Variants in FBN3 observed in about 807,000 individuals in gnomAD.
The protein encoded by FBN3 is fibrillin 3.
FBN3 carries 234 observed loss-of-function variants against 330.1 expected under a neutral mutation model. That is an observed-to-expected ratio of 0.71 (90% confidence interval 0.64 to 0.79). The LOEUF is 0.79. FBN3 is among the 30% of genes least tolerant of loss of function. The pLI, the probability that FBN3 is intolerant of heterozygous loss-of-function variation, is 0.00. For synonymous variants in FBN3, 1,458 were observed against 1,517.3 expected, an observed-to-expected ratio of 0.96 and a Z score of 0.91; for missense variants, 3,606 against 3,886.9, an observed-to-expected ratio of 0.93 and a Z score of 1.92.
rs771258011 is a variant in FBN3 at position 8,131,657 on chromosome 19, A to G, written c.1887T>C (p.Cys629=). The change falls in exon 15 of 64, where the codon TGT becomes TGC. Residue 629 remains cysteine (C), a synonymous_variant. Coordinates refer to ENST00000600128, the MANE Select transcript of FBN3 (RefSeq NM_032447.5). The surrounding 1 kb of genome is among the most constrained non-coding windows in gnomAD (Gnocchi z 4.5). The part of the protein sequence containing the change: ...TCYGAIEKGS[C]ARPFPGTVTK... ...TGACAGTGCCAGGGAAGGGGCGGGC[A>G]CAGGAGCCCTTCTCGATGGCCCCAT... 1 of 1,614,226 alleles carries G rather than the reference A, an allele frequency of 6.2e-7. No individual in the cohort carries two copies. Among genetic ancestry groups the G allele is most frequent in the South Asian group, 1.1e-5 (1 of 91,080 alleles).
rs776026303 is a variant in FBN3, at chr19:8,072,269, C to T, written c.7938-71G>A. ...TGGGACCTCCCCAGCCACGCCGCTCCACCCCATACTCCGTTCTGAGTCATG... is the reference window on the plus strand; with the variant it reads ...TGGGACCTCCCCAGCCACGCCGCTCTACCCCATACTCCGTTCTGAGTCATG... On this transcript the variant is annotated intron_variant, in intron 62 of 63. Coordinates refer to ENST00000600128, the MANE Select transcript of FBN3 (RefSeq NM_032447.5). The T allele has an allele frequency of 1.5e-5, 22 of 1,427,142 alleles. 1 individual carries two copies. Among genetic ancestry groups the T allele is most frequent in the African/African-American group, 2.9e-5 (2 of 69,608 alleles). The allele number at this position is 1,427,142 out of a possible 1,614,324, so 88.4% of individuals were successfully genotyped here.
chr19:8,143,872 C>T (rs1047213122), intron 6 of FBN3, among the ~76,000 whole-genome samples: 1 of 149,982 alleles, frequency 6.7e-6, no homozygotes, highest in African/African-American at 2.5e-5. Flanking sequence ...GGCTGGAATG[C>T]AGTGGCACCA....
intron 27 of FBN3, 42 bp from the exon 28 acceptor site, chr19:8,117,333 G>T: frequency 6.5e-7 from 1 of 1,548,430 alleles, no homozygotes; most frequent in South Asian, 1.2e-5. Context: ...CTGGGGGGAG[G>T]GGTCCAGGAT....
intron 22 of FBN3, among the ~76,000 whole-genome samples, chr19:8,125,655 G>A (rs1240726466): frequency 1.3e-5 from 2 of 152,086 alleles, no homozygotes; most frequent in African/African-American, 2.4e-5. Context: ...GCTGGGCGTG[G>A]TGGTATGTGC....
At chr19:8,072,303 G>GACATAGGGTTGCCTGTTGAGTTTTGTT in intron 62 of FBN3, 105 bp from the exon 63 acceptor site, 1 of 1,225,080 alleles carries the variant, frequency 8.2e-7, no homozygotes, top group Non-Finnish European at 1.1e-6. Flanking sequence ...TGCTGCAAAT[G>GACATAGGGTTGCCTGTTGAGTTTTGTT]CCCACGCACA....
Position 8,099,522 on chromosome 19 carries a change from C to T in FBN3, c.5161+1379G>A, listed in dbSNP as rs772429260. 7.9e-5 allele frequency among the ~76,000 whole-genome samples: 12 copies of T among 151,502 alleles called. No homozygotes were observed. In the East Asian group the frequency reaches 1.4e-3, roughly 17 times the overall value. The stretch of plus-strand genomic sequence containing the variant: ...GTCTCGATCTCCTGACCTCGTGATC[C>T]GCCTGCCTCGGCCTCCCAAAGTGCT... On this transcript the variant is annotated intron_variant, in intron 41 of 63. Transcript: ENST00000600128.
chr19:8,097,076 C>A, intron 42 of FBN3, 70 bp from the exon 43 acceptor site: 2 of 1,572,466 alleles, frequency 1.3e-6, no homozygotes, highest in Non-Finnish European at 8.7e-7. Flanking sequence ...ACGTGAAACC[C>A]AGTCCACTGC....
chr19:8,088,168 A>G lies in FBN3; in HGVS notation c.6388T>C (p.Cys2130Arg), dbSNP rs1377169626. ...TGINCVDTDE[C>R]SVGHPCGQGT... ...TGCCCACAGGGGTGGCCGACAGAGCACTCGTCTGTGTCTGGGTGGGAGTAA... is the reference window on the plus strand; with the variant it reads ...TGCCCACAGGGGTGGCCGACAGAGCGCTCGTCTGTGTCTGGGTGGGAGTAA... The change falls in exon 52 of 64, where the codon TGC (cysteine) becomes CGC (arginine). Residue 2130 changes from cysteine to arginine, a missense_variant. Physicochemically the swap from Cys to Arg is radical, Grantham distance 180. Coordinates refer to ENST00000600128, the MANE Select transcript of FBN3 (RefSeq NM_032447.5). 6.3e-7 allele frequency: 1 copy of G among 1,598,604 alleles called. No homozygotes were observed. The highest frequency in any genetic ancestry group is 8.5e-7 in the Non-Finnish European group (1 of 1,170,654).
At chr19:8,134,135 G>A (rs1450001465) in intron 13 of FBN3, among the ~76,000 whole-genome samples, 6 of 151,784 alleles carry the variant, frequency 4.0e-5, no homozygotes, top group Admixed American at 6.6e-5. Context: ...CCAGTTACTC[G>A]GGAGGCTGAG....
At chr19:8,112,581 C>T (rs910377564) in intron 30 of FBN3, among the ~76,000 whole-genome samples, 1 of 152,136 alleles carries the variant, frequency 6.6e-6, no homozygotes, top group African/African-American at 2.4e-5. Context: ...ACCCGAGAGG[C>T]GGAGCTTGCA....
Position 8,115,614 on chromosome 19 carries a change from G to C in FBN3, c.3739C>G (p.His1247Asp). ...TCGCAGTCCCCATGGAGGCAGATGT[G>C]AGGGTTCAGGTCACACTCATCCACA... The part of the protein sequence containing the change: ...VDVDECDLNP[H>D]ICLHGDCENT... The change falls in exon 30 of 64, where the codon CAC becomes GAC. Residue 1247 changes from histidine (H) to aspartate (D), a missense_variant. By Grantham distance (81) the His-to-Asp change is moderately conservative (BLOSUM62 -1). Transcript: ENST00000600128. The C allele has an allele frequency of 6.2e-7, 1 of 1,614,098 alleles. No individual in the cohort carries two copies. Among genetic ancestry groups the C allele is most frequent in the Non-Finnish European group, 8.5e-7 (1 of 1,180,002 alleles).
rs1481565451 is a variant in FBN3, at chr19:8,115,587, T to C, written c.3766A>G (p.Asn1256Asp). ...TGGCAGACAAAGGAACCCTTCGTGT[T>C]CTCGCAGTCCCCATGGAGGCAGATG... ...PHICLHGDCE[N>D]TKGSFVCHCQ... Residue 1256 changes from asparagine (N) to aspartate (D), a missense_variant, in exon 30 of 64, where the codon AAC becomes GAC. Asn to Asp is a conservative substitution (Grantham distance 23). Transcript: ENST00000600128. 8.1e-6 allele frequency: 13 copies of C among 1,614,032 alleles called. No individual in the cohort carries two copies. Among genetic ancestry groups the C allele is most frequent in the Non-Finnish European group, 9.3e-6 (11 of 1,179,996 alleles).
chr19:8,077,951 C>G (rs906345905), intron 59 of FBN3, among the ~76,000 whole-genome samples: 8 of 142,802 alleles, frequency 5.6e-5, no homozygotes, highest in African/African-American at 2.2e-4. Context: ...GTGGCACACA[C>G]CTGTAGTCCT....
intron 18 of FBN3, among the ~76,000 whole-genome samples, chr19:8,127,854 G>A (rs893274341): frequency 2.7e-4 from 41 of 152,232 alleles, no homozygotes; most frequent in African/African-American, 9.1e-4. Context: ...GATGGCACAC[G>A]CCTGTAGTCC....
intron 54 of FBN3, among the ~76,000 whole-genome samples, 190 bp from the exon 55 acceptor site, chr19:8,086,515 T>G (rs903092944): frequency 2.3e-4 from 35 of 150,254 alleles, no homozygotes; most frequent in Non-Finnish European, 4.4e-4. Context: ...GGAGTGCAAT[T>G]GCCTGATCTT....
intron 48 of FBN3, among the ~76,000 whole-genome samples, chr19:8,091,113 C>T (rs2082086280): frequency 6.6e-6 from 1 of 152,124 alleles, no homozygotes; most frequent in African/African-American, 2.4e-5. Context: ...GAGGTTAGCC[C>T]ACAGTAGACA....
In FBN3 at chr19:8,131,928, T is replaced by C; in HGVS notation, c.1715-99A>G. On this transcript the variant is annotated intron_variant, in intron 14 of 63. Coordinates refer to ENST00000600128, the MANE Select transcript of FBN3 (RefSeq NM_032447.5). This position sits in a 1 kb window ranked among gnomAD's most constrained non-coding sequence, Gnocchi z 4.5. ...ATTTCCATCTTCCCAGCCATTCTAT[T>C]TCTTTCCTTTCCAGTTTCTTGTCTT... is the stretch of plus-strand genomic sequence containing the variant. The C allele has an allele frequency of 7.6e-7, 1 of 1,323,174 alleles. No homozygotes were observed. Among genetic ancestry groups the C allele is most frequent in the Non-Finnish European group, 9.9e-7 (1 of 1,005,278 alleles). The allele number at this position is 1,323,174 out of a possible 1,614,324, so 82.0% of individuals were successfully genotyped here.
At position 8,141,860 on chromosome 19, in the gene FBN3, G is replaced by A. The variant is rs753657254; in HGVS notation, c.740-18C>T. 32 of 1,613,440 alleles carry A rather than the reference G, an allele frequency of 2.0e-5. No homozygotes were observed. Among genetic ancestry groups the A allele is most frequent in the South Asian group, 8.8e-5 (8 of 91,056 alleles). On this transcript the variant is annotated intron_variant, in intron 7 of 63. Coordinates refer to ENST00000600128, the MANE Select transcript of FBN3 (RefSeq NM_032447.5). ...ATCCACATCTGCAAGGACAAAGCCC[G>A]GCAGGGGAGTGAGAGGCCCATCGGA...
rs12150963 is a variant in FBN3 at position 8,096,013 on chromosome 19, G to C, written c.5607C>G (p.Asn1869Lys). 215,337 of 1,613,168 alleles carry C rather than the reference G, an allele frequency of 0.13. 16,013 individuals are homozygous for C. The highest frequency in any genetic ancestry group is 0.26 in the East Asian group (11,670 of 44,822). The change falls in exon 45 of 64, where the codon AAC becomes AAG. Residue 1869 changes from asparagine (N) to lysine (K), a missense_variant. Physicochemically the swap from Asn to Lys is moderately conservative, Grantham distance 94. Transcript: ENST00000600128. This position sits in a 1 kb window ranked among gnomAD's most constrained non-coding sequence, Gnocchi z 4.6. The stretch of plus-strand genomic sequence containing the variant: ...CCACAAAGCCAGGGAAGCAGAGGCA[G>C]TTGTAGGAGCCAATGATGTTCTTGC... Reference protein sequence around the residue: ...GTCKNIIGSYNCLCFPGFVVT... With the variant: ...GTCKNIIGSYKCLCFPGFVVT...
Sources: gnomAD v4.1 joint callset for allele counts (sites outside exome capture counted in the v4.1 genomes callset) on GRCh38, gnomAD v4.1.1 for gene constraint, Gnocchi (gnomAD v3.1) non-coding constraint, MANE v1.5 for transcripts, NCBI Gene and HGNC (gene_info 2026-07-23, HGNC 2026-07-21) for gene names.